Variants in ZNF648 observed in about 807,000 individuals in gnomAD.
ZNF648 encodes the protein zinc finger protein 648.
Under a neutral mutation model 0.3 loss-of-function variants are expected in ZNF648, and 1 was observed. That is an observed-to-expected ratio of 3.90 (90% CI 1.39 to 18.51). The LOEUF (loss-of-function observed/expected upper bound fraction) is 18.51. Among genes scored for constraint, ZNF648 ranks in the 30% most tolerant of loss-of-function variants. The pLI is 0.11. For missense variants in ZNF648, 874 were observed against 769.7 expected, an observed-to-expected ratio of 1.14 and a Z score of -1.60; for synonymous variants, 376 against 326.8, an observed-to-expected ratio of 1.15 and a Z score of -1.62.
intron 1 of ZNF648, 56 bp from the exon 2 acceptor site, chr1:182,058,129 A>C: frequency 1.6e-6 from 2 of 1,273,284 alleles, no homozygotes; most frequent in East Asian, 4.9e-5. Context: ...AATCACTTTC[A>C]TGAGCAGAGG....
chr1:182,065,461 C>T (rs1465636894), upstream of ZNF648, among the ~76,000 whole-genome samples: 2 of 152,198 alleles, frequency 1.3e-5, no homozygotes, highest in Non-Finnish European at 2.9e-5. Flanking sequence ...TGTTTTCCAT[C>T]ATGCTTTATT....
chr1:182,057,512 A>T lies in ZNF648; in HGVS notation c.499T>A (p.Phe167Ile). ...QDAVLDVPPS[F>I]PSNGKYLCAH... ...CAGAGATACTTTCCATTGCTGGGGA[A>T]GCTGGGTGGGACATCCAAGACTGCG... The change falls in exon 2 of 2, where the codon TTC becomes ATC. Residue 167 changes from phenylalanine to isoleucine, a missense_variant. Coordinates refer to ENST00000339948, the MANE Select transcript of ZNF648 (RefSeq NM_001009992.1). The T allele has an allele frequency of 6.2e-7, 1 of 1,614,208 alleles. No homozygotes were observed. Among genetic ancestry groups the T allele is most frequent in the Non-Finnish European group, 8.5e-7 (1 of 1,180,034 alleles).
Position 182,057,195 on chromosome 1 carries a change from G to A in ZNF648, c.816C>T (p.Arg272=), listed in dbSNP as rs777692524. The part of the protein sequence containing the change: ...PSKPLSPAET[R]GGAAKRYACE... ...ACGCGTAGCGCTTGGCGGCGCCGCC[G>A]CGCGTCTCCGCGGGGCTCAGCGGCT... The change falls in exon 2 of 2, where the codon CGC becomes CGT. Residue 272 remains arginine, a synonymous_variant. Coordinates refer to ENST00000339948, the MANE Select transcript of ZNF648 (RefSeq NM_001009992.1). 1.3e-6 allele frequency: 2 copies of A among 1,573,914 alleles called. No individual in the cohort carries two copies. Among genetic ancestry groups the A allele is most frequent in the Non-Finnish European group, 1.7e-6 (2 of 1,165,928 alleles).
chr1:182,059,972 C>A (rs568279128), intron 1 of ZNF648, among the ~76,000 whole-genome samples: 1 of 152,316 alleles, frequency 6.6e-6, no homozygotes, highest in East Asian at 1.9e-4. Flanking sequence ...CCCAAATGGT[C>A]CTGCCTCCCA....
At chr1:182,065,388 A>G (rs566789555), upstream of ZNF648, among the ~76,000 whole-genome samples, 22 of 152,280 alleles carry the variant, frequency 1.4e-4, no homozygotes, top group Admixed American at 1.2e-3. Context: ...CTGCCCAGAG[A>G]GATGGTTCCC....
intron 1 of ZNF648, among the ~76,000 whole-genome samples, chr1:182,059,412 G>C (rs1665994246): frequency 6.6e-6 from 1 of 152,208 alleles, no homozygotes; most frequent in African/African-American, 2.4e-5. Context: ...GGAGTTACTA[G>C]AGAGGCAGGG....
intron 1 of ZNF648, among the ~76,000 whole-genome samples, chr1:182,059,364 A>G (rs1025034500): frequency 3.6e-4 from 55 of 152,276 alleles, no homozygotes; most frequent in African/African-American, 1.2e-3. Flanking sequence ...CTGCTGGAGG[A>G]TTGGTTAACA....
chr1:182,066,470 TGAG>T (rs1666101888), upstream of ZNF648, among the ~76,000 whole-genome samples: 1 of 152,202 alleles, frequency 6.6e-6, no homozygotes, highest in Admixed American at 6.5e-5. Flanking sequence ...TCATCATCCT[TGAG>T]GAGGAGTGAT....
At position 182,054,970 on chromosome 1, in the gene ZNF648, T is replaced by C. The variant is rs1294820056; in HGVS notation, c.*1334A>G. ...AAATCAGGTGGAAACCAAGAGAAATTCAGATTTGGCATTCTTTGGTGGCAA... is the reference window on the plus strand; with the variant it reads ...AAATCAGGTGGAAACCAAGAGAAATCCAGATTTGGCATTCTTTGGTGGCAA... On this transcript the variant is annotated 3_prime_UTR_variant, in exon 2 of 2. Transcript: ENST00000339948. 6.6e-6 allele frequency: 1 copy of C among 152,206 alleles called. No individual in the cohort carries two copies. Among genetic ancestry groups the C allele is most frequent in the Non-Finnish European group, 1.5e-5 (1 of 68,034 alleles). 9.4% of individuals were successfully genotyped at this position (152,206 alleles called of 1,614,324 possible). A position where few individuals can be genotyped will look rare whatever the true frequency, so the allele number is the denominator to read the frequency against.
chr1:182,058,369 A>C (rs554505660), intron 1 of ZNF648, among the ~76,000 whole-genome samples: 1 of 152,226 alleles, frequency 6.6e-6, no homozygotes, highest in East Asian at 1.9e-4. Context: ...CTCATCCCCA[A>C]CCACTAACCA....
Position 182,056,475 on chromosome 1 carries a change from G to A in ZNF648, c.1536C>T (p.Ala512=), listed in dbSNP as rs151266861. 2.2e-5 allele frequency: 36 copies of A among 1,613,866 alleles called. No individual in the cohort carries two copies. The African/African-American group carries it at 3.1e-4, about 14-fold the overall frequency. Residue 512 remains alanine, a synonymous_variant, in exon 2 of 2, where the codon GCC becomes GCT. Coordinates refer to ENST00000339948, the MANE Select transcript of ZNF648 (RefSeq NM_001009992.1). ...GGGCCAACTCAGAGGCAATGCGGAA[G>A]GCCCTGCCGCACTCGGCACAGAGGA... is the stretch of plus-strand genomic sequence containing the variant. ...KGFLCAECGR[A]FRIASELAQH... is the part of the protein sequence containing the mutation.
chr1:182,063,449 G>C (rs1666056682), upstream of ZNF648: 1 of 152,176 alleles, frequency 6.6e-6, no homozygotes, highest in African/African-American at 2.4e-5. Flanking sequence ...TTTCTCTAAT[G>C]ATCAGTAATG....
chr1:182,056,655 G>C lies in ZNF648; in HGVS notation c.1356C>G (p.Asp452Glu), dbSNP rs763833363. Residue 452 changes from aspartate (D) to glutamate (E), a missense_variant, in exon 2 of 2, where the codon GAC becomes GAG. By Grantham distance (45) the Asp-to-Glu change is conservative. Transcript: ENST00000339948. ...HTGQRPFKCADCGVAFAQPSR... is the reference protein window; with the variant it reads ...HTGQRPFKCAECGVAFAQPSR... ...AGGGCTGCGCGAAGGCCACGCCGCA[G>C]TCAGCGCACTTGAAAGGCCTCTGGC... The C allele has an allele frequency of 1.2e-6, 2 of 1,608,456 alleles. No homozygotes were observed. Among genetic ancestry groups the C allele is most frequent in the Non-Finnish European group, 1.7e-6 (2 of 1,177,358 alleles).
At position 182,055,938 on chromosome 1, in the gene ZNF648, T is replaced by A; in HGVS notation, c.*366A>T. 1 of 245,098 alleles carries A rather than the reference T, an allele frequency of 4.1e-6. No homozygotes were observed. The highest frequency in any genetic ancestry group is 2.2e-5 in the African/African-American group (1 of 44,950). 15.2% of individuals were successfully genotyped at this position (245,098 alleles called of 1,614,324 possible). A position where few individuals can be genotyped will look rare whatever the true frequency, so the allele number is the denominator to read the frequency against. On this transcript the variant is annotated 3_prime_UTR_variant, in exon 2 of 2. Transcript: ENST00000339948. This position sits in a 1 kb window ranked among gnomAD's most constrained non-coding sequence, Gnocchi z 4.1. ...CATATGGCTTTGAGGGTAGGACAGG[T>A]TAGTCTTTTTCCCCACCTTATCCCT...
Position 182,057,873 on chromosome 1 carries a change from C to T in ZNF648, c.138G>A (p.Glu46=), listed in dbSNP as rs1336633628. The change falls in exon 2 of 2, where the codon GAG becomes GAA. Residue 46 remains glutamate (E), a synonymous_variant. Transcript: ENST00000339948. ...DDEDGGEAEK[E]GTADPVACPR... Reference sequence around the variant, plus strand: ...GACAGGCCACCGGGTCAGCGGTGCCCTCTTTTTCGGCCTCCCCACCATCTT... The same window carrying T: ...GACAGGCCACCGGGTCAGCGGTGCCTTCTTTTTCGGCCTCCCCACCATCTT... The T allele has an allele frequency of 1.1e-5, 18 of 1,614,038 alleles. No homozygotes were observed. The highest frequency in any genetic ancestry group is 8.0e-5 in the African/African-American group (6 of 74,920).
chr1:182,063,108 G>A (rs1334454709), upstream of ZNF648: 2 of 152,146 alleles, frequency 1.3e-5, no homozygotes, highest in Non-Finnish European at 2.9e-5. Context: ...GTCTATCATT[G>A]ATGGGCATTT....
rs754304297 is a variant in ZNF648 at position 182,056,055 on chromosome 1, TCCCAC to T, written c.*244_*248del. The T allele has an allele frequency of 4.4e-5, 23 of 526,202 alleles. No individual in the cohort carries two copies. The highest frequency in any genetic ancestry group is 7.7e-5 in the Non-Finnish European group (23 of 299,008). The allele number at this position is 526,202 out of a possible 1,614,324, so 32.6% of individuals were successfully genotyped here. A position where few individuals can be genotyped will look rare whatever the true frequency, so the allele number is the denominator to read the frequency against. ...CCAAGGAACTCAACGTTTGATCAGC[TCCCAC>T]TACTTTGTCTTTCCCTTTTCCAATT... On this transcript the variant is annotated 3_prime_UTR_variant, in exon 2 of 2. Transcript: ENST00000339948.
In ZNF648 at chr1:182,057,200, T is replaced by G; in HGVS notation, c.811A>C (p.Thr271Pro). 1 of 1,574,390 alleles carries G rather than the reference T, an allele frequency of 6.4e-7. No homozygotes were observed. The highest frequency in any genetic ancestry group is 8.6e-7 in the Non-Finnish European group (1 of 1,166,122). ...KPSKPLSPAE[T>P]RGGAAKRYAC... ...TAGCGCTTGGCGGCGCCGCCGCGCG[T>G]CTCCGCGGGGCTCAGCGGCTTGCTG... The change falls in exon 2 of 2, where the codon ACG becomes CCG. Residue 271 changes from threonine to proline, a missense_variant. Coordinates refer to ENST00000339948, the MANE Select transcript of ZNF648 (RefSeq NM_001009992.1).
chr1:182,062,327 C>T (rs543178177), upstream of ZNF648, among the ~76,000 whole-genome samples: 1 of 152,310 alleles, frequency 6.6e-6, no homozygotes, highest in South Asian at 2.1e-4. Context: ...AGGTAGAAGA[C>T]TCAGTACATT....
Sources: gnomAD v4.1 joint callset for allele counts (sites outside exome capture counted in the v4.1 genomes callset) on GRCh38, gnomAD v4.1.1 for gene constraint, Gnocchi (gnomAD v3.1) non-coding constraint, MANE v1.5 for transcripts, NCBI Gene and HGNC (gene_info 2026-07-23, HGNC 2026-07-21) for gene names.